The following TUSC3 variants were observed in gnomAD, a reference collection of about 807,000 sequenced individuals.
The protein encoded by TUSC3 is dolichyl-diphosphooligosaccharide--protein glycosyltransferase subunit TUSC3.
A neutral mutation model predicts 44.8 loss-of-function variants in TUSC3; 45 were observed. The ratio of observed to expected loss-of-function variants is 1.00; its 90% CI spans 0.79 to 1.29. TUSC3 has a LOEUF of 1.29. Among genes scored for constraint, TUSC3 ranks in the 50% most tolerant of loss-of-function variants. TUSC3 has a pLI of 0.00. For synonymous variants in TUSC3, 212 were observed against 152.9 expected (o/e 1.39, Z -2.85); for missense variants, 519 against 437.9 (o/e 1.19, Z -1.65).
At chr8:15,491,560 A>G (rs1800809450) in intron 2 of TUSC3, among the ~76,000 whole-genome samples, 1 of 152,186 alleles carries the variant, frequency 6.6e-6, no homozygotes, top group African/African-American at 2.4e-5. Flanking sequence ...CTATTCTTTA[A>G]TCACTGAATT....
At position 15,480,656 on chromosome 8, in the gene TUSC3, C is replaced by T. The variant is rs894041993; in HGVS notation, n.92-2730C>T. On this transcript the variant is annotated intron_variant and non_coding_transcript_variant, in intron 1 of 5. Transcript: ENST00000503191. ...CCCTCCTTGGCTTGCAGATGGCTGC[C>T]TCTTGTTTCCTCTTCACAGTCCCTC... Among the ~76,000 whole-genome samples, 50 of 152,174 alleles carry T rather than the reference C, an allele frequency of 3.3e-4. 1 individual carries two copies. Among genetic ancestry groups the T allele is most frequent in the Admixed American group, 3.3e-3 (50 of 15,278 alleles).
At chr8:15,463,137 C>T (rs1484495738) in intron 1 of TUSC3, among the ~76,000 whole-genome samples, 1 of 151,912 alleles carries the variant, frequency 6.6e-6, no homozygotes, top group Non-Finnish European at 1.5e-5. Context: ...ATTTAGAAGA[C>T]TCCTGTTTTG....
In TUSC3 at chr8:15,764,366, T is replaced by A; in HGVS notation, c.*210T>A. 3.8e-6 allele frequency: 3 copies of A among 782,832 alleles called. No individual in the cohort carries two copies. The highest frequency in any genetic ancestry group is 4.1e-6 in the Non-Finnish European group (2 of 489,926). 48.5% of individuals were successfully genotyped at this position (782,832 alleles called of 1,614,324 possible). A position where few individuals can be genotyped will look rare whatever the true frequency, so the allele number is the denominator to read the frequency against. Reference sequence around the variant, plus strand: ...AAACTGTGGGTTTTCCTAGTAAATTTAATTTACAGAAATCAATGGTAGCAT... The same window carrying A: ...AAACTGTGGGTTTTCCTAGTAAATTAAATTTACAGAAATCAATGGTAGCAT... On this transcript the variant is annotated 3_prime_UTR_variant, in exon 11 of 11. Transcript: ENST00000503731.
At chr8:15,588,868 T>G (rs768681472) in intron 1 of TUSC3, among the ~76,000 whole-genome samples, 2 of 152,152 alleles carry the variant, frequency 1.3e-5, no homozygotes, top group Non-Finnish European at 2.9e-5. Context: ...TGGCTGTGAA[T>G]ATGTGGATTT....
At chr8:15,770,007 A>C (rs1389670233), downstream of TUSC3, among the ~76,000 whole-genome samples, 4 of 152,202 alleles carry the variant, frequency 2.6e-5, no homozygotes, top group East Asian at 5.8e-4. Flanking sequence ...CAGTGTGGTG[A>C]TTCCTCAAGG....
chr8:15,587,956 G>A lies in TUSC3; in HGVS notation c.139-35124G>A, dbSNP rs1002674506. The stretch of plus-strand genomic sequence containing the variant: ...TATATATGCTACATTTTCTTTATCC[G>A]TTTATCTGTTGGTAGACATTTAGAT... On this transcript the variant is annotated intron_variant, in intron 1 of 10. Coordinates refer to ENST00000503731, the MANE Select transcript of TUSC3 (RefSeq NM_006765.4). 3.3e-5 allele frequency among the ~76,000 whole-genome samples: 5 copies of A among 151,938 alleles called. No individual in the cohort carries two copies. The South Asian group carries it at 6.2e-4, about 19-fold the overall frequency.
chr8:15,589,449 C>T (rs542203175), intron 1 of TUSC3, among the ~76,000 whole-genome samples: 1 of 152,134 alleles, frequency 6.6e-6, no homozygotes, highest in Non-Finnish European at 1.5e-5. Context: ...CAATTCGAAA[C>T]ATAAAGATGG....
At chr8:15,821,584 G>GT in the TUSC3 span, among the ~76,000 whole-genome samples, 698 of 140,754 alleles carry the variant, frequency 5.0e-3, 7 homozygotes, top group Middle Eastern at 0.018. Flanking sequence ...AAAGATGAGG[G>GT]TTTTTTTTTT....
chr8:15,777,539 CAA>C, the TUSC3 span, among the ~76,000 whole-genome samples: 3,436 of 152,176 alleles, frequency 0.023, 129 homozygotes, highest in African/African-American at 0.077. Flanking sequence ...ACAAGAAAGA[CAA>C]AATCTCTGAA....
chr8:15,823,114 A>T, the TUSC3 span, among the ~76,000 whole-genome samples: 1 of 152,104 alleles, frequency 6.6e-6, no homozygotes, highest in African/African-American at 2.4e-5. Flanking sequence ...AAATGAACAT[A>T]TTGACTTTTT....
intron 2 of TUSC3, among the ~76,000 whole-genome samples, chr8:15,503,835 C>A (rs1300370987): frequency 6.6e-6 from 1 of 151,912 alleles, no homozygotes; most frequent in Non-Finnish European, 1.5e-5. Context: ...AAACCCATCT[C>A]TACTAAAAAT....
the TUSC3 span, among the ~76,000 whole-genome samples, chr8:15,822,479 G>A: frequency 6.6e-6 from 1 of 152,118 alleles, no homozygotes; most frequent in Non-Finnish European, 1.5e-5. Flanking sequence ...CAGAGTTTCT[G>A]ATTAATTAGG....
At chr8:15,523,461 A>G (rs1353527490) in intron 2 of TUSC3, among the ~76,000 whole-genome samples, 1 of 151,978 alleles carries the variant, frequency 6.6e-6, no homozygotes, top group Non-Finnish European at 1.5e-5. Context: ...AAAAATGCAT[A>G]ACCTCTTTGA....
In TUSC3 at chr8:15,607,731, A is replaced by G. The variant is rs140261705; in HGVS notation, c.139-15349A>G. Among the ~76,000 whole-genome samples the G allele has an allele frequency of 1.0e-3, 153 of 152,232 alleles. 1 individual carries two copies. In the East Asian group the frequency reaches 0.026, roughly 26 times the overall value. On this transcript the variant is annotated intron_variant, in intron 1 of 10. Coordinates refer to ENST00000503731, the MANE Select transcript of TUSC3 (RefSeq NM_006765.4). ...ATGCATTTTAGAGTAAGCTGGAGAA[A>G]AGTGTCCTTCCTTCAATATGCATAA...
chr8:15,485,031 G>A (rs765504492), intron 2 of TUSC3, among the ~76,000 whole-genome samples: 1 of 152,108 alleles, frequency 6.6e-6, no homozygotes, highest in African/African-American at 2.4e-5. Context: ...GTCATCCTCT[G>A]CCCTAAGTGT....
chr8:15,816,087 G>C, the TUSC3 span, among the ~76,000 whole-genome samples: 13 of 152,146 alleles, frequency 8.5e-5, no homozygotes, highest in African/African-American at 2.9e-4. Context: ...ATGAATGGCA[G>C]TTAAGATGGA....
intron 1 of TUSC3, among the ~76,000 whole-genome samples, chr8:15,584,213 A>G (rs938887091): frequency 6.6e-6 from 1 of 152,218 alleles, no homozygotes; most frequent in Non-Finnish European, 1.5e-5. Context: ...TAGAGAACCA[A>G]TGTGTTGGCG....
chr8:15,632,216 C>A (rs1585173810), intron 2 of TUSC3, among the ~76,000 whole-genome samples: 1 of 152,110 alleles, frequency 6.6e-6, no homozygotes, highest in Admixed American at 6.5e-5. Flanking sequence ...TAATCTATAA[C>A]GTTTCCACAC....
At chr8:15,526,169 A>C (rs1801370519) in intron 2 of TUSC3, among the ~76,000 whole-genome samples, 1 of 151,974 alleles carries the variant, frequency 6.6e-6, no homozygotes, top group Admixed American at 6.6e-5. Context: ...AGTAGCTGTG[A>C]CTACAGGCGC....
Sources: allele counts gnomAD v4.1 joint callset (sites outside exome capture counted in the v4.1 genomes callset), GRCh38; gene constraint gnomAD v4.1.1; transcripts MANE v1.5; gene names NCBI Gene and HGNC (gene_info 2026-07-23, HGNC 2026-07-21).